SAMTOR: variants seen among roughly 807,000 people sequenced by gnomAD.
The protein encoded by SAMTOR is UPF0532 protein C7orf60.
chr7:112,899,403 AG>A, the SAMTOR span, among the ~76,000 whole-genome samples: 1 of 152,130 alleles, frequency 6.6e-6, no homozygotes, highest in Non-Finnish European at 1.5e-5. Context: ...AGAAAAAAGG[AG>A]TGAAAAAGAA....
the SAMTOR span, among the ~76,000 whole-genome samples, chr7:112,859,611 G>C: frequency 6.6e-6 from 1 of 152,166 alleles, no homozygotes; most frequent in Non-Finnish European, 1.5e-5. Flanking sequence ...ACAAAATTTG[G>C]AAGTGGAAGA....
chr7:112,902,952 T>A, the SAMTOR span, among the ~76,000 whole-genome samples: 7 of 152,232 alleles, frequency 4.6e-5, no homozygotes, highest in African/African-American at 1.7e-4. Flanking sequence ...ACTTAACTTA[T>A]ATCTAATCAC....
At chr7:112,855,219 T>C in the SAMTOR span, among the ~76,000 whole-genome samples, 593 of 152,322 alleles carry the variant, frequency 3.9e-3, 4 homozygotes, top group Non-Finnish European at 5.8e-3. Flanking sequence ...GGATACATCT[T>C]AATCGTTTTC....
At chr7:112,915,875 A>G in the SAMTOR span, among the ~76,000 whole-genome samples, 261 of 152,298 alleles carry the variant, frequency 1.7e-3, no homozygotes, top group Non-Finnish European at 2.9e-3. Flanking sequence ...ACTTTGCAGG[A>G]GCTGAGTACA....
the SAMTOR span, among the ~76,000 whole-genome samples, chr7:112,875,624 T>C: frequency 2.0e-5 from 3 of 152,142 alleles, no homozygotes; most frequent in East Asian, 5.8e-4. Context: ...CCTTTCCCTA[T>C]CACACTCCTC....
the SAMTOR span, among the ~76,000 whole-genome samples, chr7:112,936,058 A>G: frequency 6.6e-6 from 1 of 152,186 alleles, no homozygotes; most frequent in Non-Finnish European, 1.5e-5. Flanking sequence ...CATTTAAAAT[A>G]TTTTTGGTTT....
the SAMTOR span, among the ~76,000 whole-genome samples, chr7:112,877,809 G>A: frequency 6.6e-6 from 1 of 152,170 alleles, no homozygotes; most frequent in African/African-American, 2.4e-5. Flanking sequence ...TCTTGTGTGT[G>A]GCAACTCCCC....
At chr7:112,895,571 A>G in the SAMTOR span, 1 of 1,528,958 alleles carries the variant, frequency 6.5e-7, no homozygotes, top group Non-Finnish European at 8.9e-7. Flanking sequence ...ATACTTACTC[A>G]GTTATAAATT....
chr7:112,912,530 G>C, the SAMTOR span, among the ~76,000 whole-genome samples: 10 of 151,716 alleles, frequency 6.6e-5, no homozygotes, highest in African/African-American at 2.4e-4. Flanking sequence ...CATGCTTTTA[G>C]AATTATCAAA....
the SAMTOR span, among the ~76,000 whole-genome samples, chr7:112,892,605 T>A: frequency 6.6e-6 from 1 of 151,926 alleles, no homozygotes; most frequent in Non-Finnish European, 1.5e-5. Context: ...TCTCTCTCTA[T>A]AAAAAATTTT....
the SAMTOR span, chr7:112,895,748 A>G: frequency 2.3e-5 from 35 of 1,492,204 alleles, no homozygotes; most frequent in Non-Finnish European, 2.9e-5. Context: ...CACTACAAGT[A>G]AAAATAAAGT....
the SAMTOR span, among the ~76,000 whole-genome samples, chr7:112,905,621 A>T: frequency 2.4e-4 from 36 of 152,328 alleles, no homozygotes; most frequent in African/African-American, 7.2e-4. Flanking sequence ...GGTTCAGCAT[A>T]AGAAAATCCA....
the SAMTOR span, among the ~76,000 whole-genome samples, chr7:112,930,984 A>G: frequency 2.6e-5 from 4 of 152,158 alleles, no homozygotes; most frequent in Admixed American, 6.5e-5. Flanking sequence ...AAGTACACAG[A>G]CTCTACTAAC....
the SAMTOR span, among the ~76,000 whole-genome samples, chr7:112,928,721 T>A: frequency 6.6e-6 from 1 of 152,022 alleles, no homozygotes; most frequent in Non-Finnish European, 1.5e-5. Flanking sequence ...TCACAATAGT[T>A]ACTGTTTTCA....
chr7:112,867,571 G>C, the SAMTOR span, among the ~76,000 whole-genome samples: 53 of 152,248 alleles, frequency 3.5e-4, no homozygotes, highest in Admixed American at 7.2e-4. Flanking sequence ...TTAGTATGCT[G>C]ACAGTCTAAG....
chr7:112,831,290 C>G, the SAMTOR span, among the ~76,000 whole-genome samples: 2 of 152,138 alleles, frequency 1.3e-5, no homozygotes, highest in East Asian at 3.9e-4. Context: ...AATAATGTGC[C>G]TACTTTAGAG....
the SAMTOR span, among the ~76,000 whole-genome samples, chr7:112,918,116 A>T: frequency 1.3e-5 from 2 of 152,162 alleles, no homozygotes; most frequent in African/African-American, 2.4e-5. Context: ...GATACTCCTA[A>T]AGAAGAGCAA....
the SAMTOR span, among the ~76,000 whole-genome samples, chr7:112,908,263 T>C: frequency 2.6e-5 from 4 of 152,168 alleles, no homozygotes; most frequent in African/African-American, 7.2e-5. Context: ...AGTTGATGCC[T>C]GAATAGAACA....
the SAMTOR span, among the ~76,000 whole-genome samples, chr7:112,831,926 A>G: frequency 1.3e-5 from 2 of 152,228 alleles, no homozygotes; most frequent in Non-Finnish European, 2.9e-5. Flanking sequence ...AAAGAGATGC[A>G]TTAAAAGAAA....
Sources: allele counts gnomAD v4.1 joint callset (sites outside exome capture counted in the v4.1 genomes callset), GRCh38; gene constraint gnomAD v4.1.1; transcripts MANE v1.5; gene names NCBI Gene and HGNC (gene_info 2026-07-23, HGNC 2026-07-21).